The following L3MBTL4 variants were observed in gnomAD, a reference collection of about 807,000 sequenced individuals.
The protein encoded by L3MBTL4 is L3MBTL histone methyl-lysine binding protein 4.
In L3MBTL4, 70 loss-of-function variants were observed where a neutral mutation model predicts 84.5. The ratio of observed to expected loss-of-function variants is 0.83; its 90% CI spans 0.68 to 1.01. The LOEUF is 1.01. L3MBTL4 is among the 50% of genes least tolerant of loss of function. The pLI is 0.00. For missense variants in L3MBTL4, 715 were observed against 754.8 expected, an observed-to-expected ratio of 0.95 and a Z score of 0.62; for synonymous variants, 274 against 259.8, an observed-to-expected ratio of 1.05 and a Z score of -0.52.
intron 5 of L3MBTL4, chr18:6,256,938 G>A (rs993996113): frequency 6.6e-6 from 1 of 152,316 alleles, no homozygotes; most frequent in Non-Finnish European, 1.5e-5. Flanking sequence ...ATAAACAGGG[G>A]GTCGGTGGTC....
chr18:6,271,167 A>G (rs770469163), intron 4 of L3MBTL4, among the ~76,000 whole-genome samples: 1 of 152,168 alleles, frequency 6.6e-6, no homozygotes, highest in Non-Finnish European at 1.5e-5. Flanking sequence ...TTTCAGTTCT[A>G]TTGCACACCA....
intron 1 of L3MBTL4, among the ~76,000 whole-genome samples, chr18:6,321,171 A>G (rs61303480): frequency 1.6e-4 from 24 of 152,300 alleles, no homozygotes; most frequent in African/African-American, 5.3e-4. Flanking sequence ...TGGCCTAGGC[A>G]GAAAATTTAT....
intron 12 of L3MBTL4, among the ~76,000 whole-genome samples, chr18:6,175,821 G>T (rs769386801): frequency 1.1e-4 from 16 of 152,002 alleles, no homozygotes; most frequent in Non-Finnish European, 1.5e-5. Flanking sequence ...GTAATGTAGT[G>T]CAATTAGGCA....
chr18:6,369,048 T>TAAAAAAAAAA (rs34169311), intron 1 of L3MBTL4, among the ~76,000 whole-genome samples: 1 of 138,248 alleles, frequency 7.2e-6, no homozygotes. Context: ...TCTCAAAAAT[T>TAAAAAAAAAA]AAAAAAAAAA....
At chr18:6,385,038 C>T (rs1330256751) in intron 1 of L3MBTL4, among the ~76,000 whole-genome samples, 1 of 152,086 alleles carries the variant, frequency 6.6e-6, no homozygotes, top group East Asian at 1.9e-4. Flanking sequence ...AATTTGGATA[C>T]GGAAGGGAGA....
In L3MBTL4 at chr18:5,956,050, T is replaced by C; in HGVS notation, c.*170A>G. The C allele has an allele frequency of 3.1e-6, 2 of 635,522 alleles. No homozygotes were observed. The highest frequency in any genetic ancestry group is 5.4e-6 in the Non-Finnish European group (2 of 367,506). 39.4% of individuals were successfully genotyped at this position (635,522 alleles called of 1,614,324 possible). ...GCCTAAGCCTCTGAGTCATTGGCAC[T>C]GGACCAGTCATCAAAATCCTCTAAA... On this transcript the variant is annotated 3_prime_UTR_variant, in exon 19 of 19. Transcript: ENST00000317931.
intron 1 of L3MBTL4, among the ~76,000 whole-genome samples, chr18:6,406,113 T>C (rs916752983): frequency 6.6e-6 from 1 of 152,210 alleles, no homozygotes; most frequent in African/African-American, 2.4e-5. Flanking sequence ...TGAACACAAC[T>C]TTATTGCAAA....
chr18:6,060,356 G>A (rs1409868745), intron 16 of L3MBTL4, among the ~76,000 whole-genome samples: 1 of 150,544 alleles, frequency 6.6e-6, no homozygotes, highest in Non-Finnish European at 1.5e-5. Context: ...AAATACTGCT[G>A]AGTCATTATG....
intron 13 of L3MBTL4, among the ~76,000 whole-genome samples, chr18:6,164,632 A>G (rs1247085230): frequency 6.6e-6 from 1 of 152,202 alleles, no homozygotes; most frequent in African/African-American, 2.4e-5. Context: ...GACCATTAGA[A>G]GGAAAACTAA....
At chr18:6,044,800 TG>T (rs2056544804) in intron 16 of L3MBTL4, among the ~76,000 whole-genome samples, 1 of 152,194 alleles carries the variant, frequency 6.6e-6, no homozygotes. Context: ...CATCCTTAAG[TG>T]GTTTATTAGA....
At chr18:5,990,392 G>A (rs2053637212) in intron 16 of L3MBTL4, among the ~76,000 whole-genome samples, 1 of 152,160 alleles carries the variant, frequency 6.6e-6, no homozygotes, top group South Asian at 2.1e-4. Context: ...AGTACAAAGA[G>A]AAAATGTTTG....
intron 4 of L3MBTL4, among the ~76,000 whole-genome samples, chr18:6,277,393 T>C (rs1435510769): frequency 1.2e-4 from 18 of 152,234 alleles, no homozygotes; most frequent in Admixed American, 1.2e-3. Context: ...AAATAAAAAA[T>C]CTATGCTGTG....
intron 1 of L3MBTL4, among the ~76,000 whole-genome samples, chr18:6,322,641 G>T (rs1255053328): frequency 1.3e-5 from 2 of 152,118 alleles, no homozygotes; most frequent in Non-Finnish European, 2.9e-5. Flanking sequence ...TAAAGAAAAT[G>T]AGGTACATAT....
intron 16 of L3MBTL4, among the ~76,000 whole-genome samples, chr18:6,007,936 C>T (rs1363298822): frequency 6.6e-6 from 1 of 152,196 alleles, no homozygotes; most frequent in African/African-American, 2.4e-5. Flanking sequence ...AGTTTGCTTG[C>T]TTATGCCTAA....
intron 5 of L3MBTL4, among the ~76,000 whole-genome samples, chr18:6,261,883 C>T (rs1469887897): frequency 6.6e-6 from 1 of 152,166 alleles, no homozygotes. Flanking sequence ...CACTTGGCTG[C>T]CATCAGCCAA....
intron 15 of L3MBTL4, among the ~76,000 whole-genome samples, chr18:6,086,520 T>C (rs968670582): frequency 1.3e-5 from 2 of 152,090 alleles, no homozygotes; most frequent in African/African-American, 4.8e-5. Context: ...TCCAGTGAGG[T>C]GCCTAAAAAG....
intron 12 of L3MBTL4, among the ~76,000 whole-genome samples, chr18:6,189,925 C>T (rs969152452): frequency 6.6e-5 from 10 of 152,012 alleles, no homozygotes; most frequent in African/African-American, 2.4e-4. Flanking sequence ...ACGATTATCC[C>T]ATAAGGAGAG....
chr18:5,994,249 CT>C (rs1223845525), intron 16 of L3MBTL4, among the ~76,000 whole-genome samples: 1 of 152,198 alleles, frequency 6.6e-6, no homozygotes, highest in Non-Finnish European at 1.5e-5. Context: ...TGCTTTTTGT[CT>C]TTCTCTAGCA....
At chr18:6,398,335 T>A (rs1210095467) in intron 1 of L3MBTL4, among the ~76,000 whole-genome samples, 2 of 152,198 alleles carry the variant, frequency 1.3e-5, no homozygotes, top group Non-Finnish European at 2.9e-5. Context: ...GAATGGCCTG[T>A]GGCAGGTTAA....
Sources: gnomAD v4.1 joint callset for allele counts (sites outside exome capture counted in the v4.1 genomes callset) on GRCh38, gnomAD v4.1.1 for gene constraint, MANE v1.5 for transcripts, NCBI Gene and HGNC (gene_info 2026-07-23, HGNC 2026-07-21) for gene names.